The following GPHN variants were observed in gnomAD, a reference collection of about 807,000 sequenced individuals.
GPHN encodes the protein gephyrin.
Under a neutral mutation model 95.5 loss-of-function variants are expected in GPHN, and 17 were observed. The observed-to-expected ratio is 0.18, with a 90% confidence interval of 0.12 to 0.27. The LOEUF (loss-of-function observed/expected upper bound fraction) is 0.27. Ranked by LOEUF, GPHN falls within the 10% of genes least tolerant of loss-of-function variation. The pLI is 1.00. For missense variants in GPHN, 660 were observed against 978.1 expected (o/e 0.67, Z 4.34); for synonymous variants, 320 against 322.5 (o/e 0.99, Z 0.08).
At chr14:66,731,980 G>A (rs1282659624) in intron 2 of GPHN, among the ~76,000 whole-genome samples, 5 of 152,202 alleles carry the variant, frequency 3.3e-5, no homozygotes, top group Non-Finnish European at 5.9e-5. Flanking sequence ...CTTCCATGTG[G>A]TGTTGGGCCT....
At chr14:66,537,120 CT>C (rs774420583) in intron 1 of GPHN, among the ~76,000 whole-genome samples, 4 of 151,934 alleles carry the variant, frequency 2.6e-5, no homozygotes, top group Non-Finnish European at 5.9e-5. Flanking sequence ...TTCAGCCAAT[CT>C]ATATTCTTGT....
At chr14:66,539,431 T>TTTTTG (rs2059269610) in intron 1 of GPHN, among the ~76,000 whole-genome samples, 1 of 147,606 alleles carries the variant, frequency 6.8e-6, no homozygotes, top group African/African-American at 2.5e-5. Flanking sequence ...TTTTTTTTTT[T>TTTTTG]GAGACAGAGT....
Position 66,645,312 on chromosome 14 carries a change from T to C in GPHN, c.65-35795T>C, listed in dbSNP as rs568839281. ...TCTAACAGATATTTATCTAATTACA[T>C]TTATCCAGATGAGTTTTTCTGATTT... On this transcript the variant is annotated intron_variant, in intron 1 of 22. Coordinates refer to ENST00000478722, the MANE Select transcript of GPHN (RefSeq NM_020806.5). Among the ~76,000 whole-genome samples the C allele has an allele frequency of 2.2e-4, 34 of 152,278 alleles. No homozygotes were observed. The East Asian group carries it at 4.4e-3, about 20-fold the overall frequency.
At chr14:67,427,301 A>C in the GPHN span, among the ~76,000 whole-genome samples, 1 of 152,208 alleles carries the variant, frequency 6.6e-6, no homozygotes, top group Non-Finnish European at 1.5e-5. Context: ...CCCAGTTGCC[A>C]CTAGAGGGTG....
At chr14:67,233,032 AG>A in the GPHN span, among the ~76,000 whole-genome samples, 1 of 152,226 alleles carries the variant, frequency 6.6e-6, no homozygotes, top group African/African-American at 2.4e-5. Context: ...TAGAAAAAAA[AG>A]AAAACAGTAT....
the GPHN span, chr14:67,204,645 T>C: frequency 6.2e-7 from 1 of 1,613,896 alleles, no homozygotes; most frequent in Non-Finnish European, 8.5e-7. Flanking sequence ...TCTGCACCTC[T>C]GCATATAAAC....
At chr14:67,219,609 A>G in the GPHN span, among the ~76,000 whole-genome samples, 1 of 152,354 alleles carries the variant, frequency 6.6e-6, no homozygotes, top group African/African-American at 2.4e-5. Context: ...AGGATGAAAA[A>G]GGCTCAGCAG....
chr14:66,717,148 C>T (rs776115336), intron 2 of GPHN, among the ~76,000 whole-genome samples: 5 of 152,148 alleles, frequency 3.3e-5, no homozygotes, highest in South Asian at 2.1e-4. Flanking sequence ...TAGGTTTGGT[C>T]GTTGAGCATA....
At chr14:67,139,831 G>A (rs1851506535) in intron 17 of GPHN, among the ~76,000 whole-genome samples, 1 of 152,100 alleles carries the variant, frequency 6.6e-6, no homozygotes, top group East Asian at 1.9e-4. Context: ...GAGTATGGCA[G>A]GACCCAAATA....
In GPHN at chr14:66,582,976, G is replaced by T. The variant is rs139469804; in HGVS notation, c.64+74385G>T. Reference sequence around the variant, plus strand: ...AATCGCCACACTGACTTCCACAATGGTGGAACTAGTTTACAATCCCACCAA... The same window carrying T: ...AATCGCCACACTGACTTCCACAATGTTGGAACTAGTTTACAATCCCACCAA... On this transcript the variant is annotated intron_variant, in intron 1 of 22. Transcript: ENST00000478722. Among the ~76,000 whole-genome samples, 890 of 152,220 alleles carry T rather than the reference G, an allele frequency of 5.8e-3. 9 individuals carry two copies. Among genetic ancestry groups the T allele is most frequent in the African/African-American group, 0.021 (869 of 41,522 alleles).
In GPHN at chr14:67,129,820, A is replaced by G. The variant is rs145008790; in HGVS notation, c.1748+7443A>G. Among the ~76,000 whole-genome samples, 819 of 147,944 alleles carry G rather than the reference A, an allele frequency of 5.5e-3. 3 individuals carry two copies. Among genetic ancestry groups the G allele is most frequent in the African/African-American group, 0.019 (783 of 40,180 alleles). ...AGGGAGAGGGAGGGAGGGAGGAAGG[A>G]AGGAAGGGAGAGGGAGGGAGGAAGG... On this transcript the variant is annotated intron_variant, in intron 17 of 22. Transcript: ENST00000478722.
chr14:67,421,164 A>G, the GPHN span, among the ~76,000 whole-genome samples: 1 of 152,210 alleles, frequency 6.6e-6, no homozygotes, highest in Admixed American at 6.5e-5. Flanking sequence ...TAAGACCTTG[A>G]CAGTAGAGAA....
At chr14:67,311,740 T>A in the GPHN span, among the ~76,000 whole-genome samples, 1 of 152,216 alleles carries the variant, frequency 6.6e-6, no homozygotes, top group Admixed American at 6.5e-5. Flanking sequence ...AATTCTTTGA[T>A]TTATTCTGAT....
intron 9 of GPHN, among the ~76,000 whole-genome samples, chr14:66,998,877 TAA>T (rs55936517): frequency 2.5e-4 from 36 of 143,618 alleles, no homozygotes; most frequent in Middle Eastern, 3.7e-3. Flanking sequence ...GGTCCCTTTG[TAA>T]AAAAAAAAAA....
At chr14:67,142,859 C>A in intron 17 of GPHN, 1 of 198,508 alleles carries the variant, frequency 5.0e-6, no homozygotes, top group Non-Finnish European at 1.0e-5. Flanking sequence ...AGTACAGATC[C>A]TCTTGATTAC....
the GPHN span, among the ~76,000 whole-genome samples, chr14:67,510,563 G>T: frequency 6.6e-6 from 1 of 152,076 alleles, no homozygotes; most frequent in Non-Finnish European, 1.5e-5. Context: ...CAAACTAAAA[G>T]AAAAAGAAAA....
At chr14:67,273,221 CTTGTCA>C in the GPHN span, among the ~76,000 whole-genome samples, 2 of 151,576 alleles carry the variant, frequency 1.3e-5, no homozygotes, top group African/African-American at 4.9e-5. Flanking sequence ...CACCCATTAA[CTTGTCA>C]TTTACATTAG....
rs2058606187 is a variant in GPHN, at chr14:66,524,441, G to A, written c.64+15850G>A. Among the ~76,000 whole-genome samples the A allele has an allele frequency of 2.0e-5, 3 of 152,220 alleles. No individual in the cohort carries two copies. In the South Asian group the frequency reaches 6.2e-4, roughly 32 times the overall value. On this transcript the variant is annotated intron_variant, in intron 1 of 22. Transcript: ENST00000478722. ...GCTAAAAGAGAATCTATCAAATTTA[G>A]AGCATTGCCAAAGATAAGTTTTGGT...
chr14:67,298,096 C>T, the GPHN span, among the ~76,000 whole-genome samples: 9 of 151,864 alleles, frequency 5.9e-5, no homozygotes, highest in Non-Finnish European at 1.5e-5. Flanking sequence ...CTGGAAAAGA[C>T]GAAAGAATCA....
Sources: allele counts gnomAD v4.1 joint callset (sites outside exome capture counted in the v4.1 genomes callset), GRCh38; gene constraint gnomAD v4.1.1; transcripts MANE v1.5; gene names NCBI Gene and HGNC (gene_info 2026-07-23, HGNC 2026-07-21).